PDZK1: variants seen among roughly 807,000 people sequenced by gnomAD.
PDZK1 encodes the protein Na(+)/H(+) exchange regulatory cofactor NHE-RF3.
A neutral mutation model predicts 38.1 loss-of-function variants in PDZK1; 23 were observed. The observed-to-expected ratio is 0.60, with a 90% CI of 0.43 to 0.85. PDZK1 has a LOEUF of 0.85. Among genes scored for constraint, PDZK1 ranks in the 40% least tolerant of loss-of-function variants. The probability of loss-of-function intolerance (pLI) is 0.00; values close to 1 mark genes in which losing one functional copy is unlikely to be tolerated. For missense variants in PDZK1, 297 were observed against 504.3 expected (o/e 0.59, Z 3.94); for synonymous variants, 98 against 186.2 (o/e 0.53, Z 3.86).
At chr1:145,674,364 G>A (rs1207069640) in intron 6 of PDZK1, 8 of 620,534 alleles carry the variant, frequency 1.3e-5, no homozygotes, top group African/African-American at 2.0e-5. Context: ...CAAGACACTT[G>A]TGATAGTTAA....
intron 6 of PDZK1, among the ~76,000 whole-genome samples, chr1:145,677,716 G>A (rs1226089799): frequency 2.0e-5 from 3 of 148,198 alleles, no homozygotes; most frequent in Non-Finnish European, 4.5e-5. Context: ...TAATCTATGA[G>A]GAGGGCCTAA....
intron 1 of PDZK1, 23 bp from the exon 2 acceptor site, chr1:145,688,046 A>G (rs1654948398): frequency 6.3e-7 from 1 of 1,581,748 alleles, no homozygotes; most frequent in Non-Finnish European, 8.7e-7. Context: ...AAATAAATTA[A>G]TAAAACCATG....
At chr1:145,689,269 G>A (rs1553702667) in intron 1 of PDZK1, among the ~76,000 whole-genome samples, 2 of 152,176 alleles carry the variant, frequency 1.3e-5, no homozygotes, top group African/African-American at 2.4e-5. Flanking sequence ...TTTAGAGACA[G>A]TGTCTTGCTT....
At chr1:145,706,387 C>T (rs1656249578) in intron 1 of PDZK1, among the ~76,000 whole-genome samples, 1 of 152,186 alleles carries the variant, frequency 6.6e-6, no homozygotes, top group Admixed American at 6.5e-5. Flanking sequence ...TAATTTGCTG[C>T]AGACTTCAGA....
intron 2 of PDZK1, among the ~76,000 whole-genome samples, chr1:145,686,967 G>T (rs1654828756): frequency 6.6e-6 from 1 of 152,040 alleles, no homozygotes; most frequent in South Asian, 2.1e-4. Context: ...AGCCCAGAGG[G>T]TTCTTACAAG....
intron 1 of PDZK1, among the ~76,000 whole-genome samples, chr1:145,697,602 T>G (rs1205166302): frequency 4.6e-5 from 7 of 151,558 alleles, no homozygotes; most frequent in Non-Finnish European, 8.8e-5. Context: ...CAACGAATAT[T>G]GATATTTTAT....
chr1:145,691,201 C>A (rs1449506223), intron 1 of PDZK1, among the ~76,000 whole-genome samples: 1 of 152,182 alleles, frequency 6.6e-6, no homozygotes, highest in African/African-American at 2.4e-5. Context: ...GAAAGCAGAC[C>A]TAAACCTCAA....
intron 1 of PDZK1, among the ~76,000 whole-genome samples, chr1:145,695,712 GAC>G (rs1162369334): frequency 1.3e-5 from 2 of 152,098 alleles, no homozygotes; most frequent in Admixed American, 6.5e-5. Flanking sequence ...TTCAAGCAAA[GAC>G]ACACTGCAGA....
At chr1:145,674,204 G>A (rs1653398811) in intron 6 of PDZK1, 1 of 985,222 alleles carries the variant, frequency 1.0e-6, no homozygotes, top group Non-Finnish European at 1.2e-6. Flanking sequence ...TAGTGAGCAA[G>A]TCACTGAACA....
chr1:145,702,762 G>A (rs987064521), intron 1 of PDZK1, among the ~76,000 whole-genome samples: 8 of 152,186 alleles, frequency 5.3e-5, no homozygotes, highest in Non-Finnish European at 8.8e-5. Flanking sequence ...GTGTGGTGGC[G>A]GACGCCTGTA....
intron 1 of PDZK1, among the ~76,000 whole-genome samples, chr1:145,692,297 T>C (rs990941200): frequency 4.6e-5 from 7 of 152,180 alleles, no homozygotes; most frequent in Admixed American, 6.5e-5. Flanking sequence ...AGGATTGATA[T>C]ATGAGATCCT....
intron 8 of PDZK1, 44 bp downstream of exon 8, chr1:145,672,686 A>G (rs1553698194): frequency 1.2e-6 from 2 of 1,609,626 alleles, no homozygotes; most frequent in Admixed American, 3.3e-5. Flanking sequence ...CTGTACCCAT[A>G]CTCTAGTAAA....
intron 3 of PDZK1, among the ~76,000 whole-genome samples, chr1:145,685,811 C>T (rs587698498): frequency 1.2e-4 from 19 of 152,282 alleles, no homozygotes; most frequent in African/African-American, 4.6e-4. Flanking sequence ...CTCTGAAATT[C>T]TAGAAATAGA....
rs587687654 is a variant in PDZK1 at position 145,701,745 on chromosome 1, C to CA, written c.-3+5571dup. On this transcript the variant is annotated intron_variant, in intron 1 of 8. Transcript: ENST00000417171. ...ATGCTGTTCCTTCCAACAGCATAAG[C>CA]AAAAAAATCCTGCTGTATCTGAGCT... is the stretch of plus-strand genomic sequence containing the variant. Among the ~76,000 whole-genome samples, 273 of 152,096 alleles carry CA rather than the reference C, an allele frequency of 1.8e-3. 3 individuals carry two copies. Among genetic ancestry groups the CA allele is most frequent in the Admixed American group, 0.012 (184 of 15,296 alleles).
chr1:145,693,824 G>A (rs1655459214), intron 1 of PDZK1, among the ~76,000 whole-genome samples: 1 of 151,658 alleles, frequency 6.6e-6, no homozygotes, highest in Non-Finnish European at 1.5e-5. Context: ...TCTCCCCTCA[G>A]CCTCAGGATA....
chr1:145,693,771 C>CAA (rs35999622), intron 1 of PDZK1, among the ~76,000 whole-genome samples: 4 of 139,744 alleles, frequency 2.9e-5, no homozygotes, highest in Non-Finnish European at 4.7e-5. Context: ...GAGACTCCAC[C>CAA]AAAAAAAAAA....
Position 145,687,847 on chromosome 1 carries a change from T to G in PDZK1, c.175A>C (p.Asn59His). The change falls in exon 2 of 9, where the codon AAT (asparagine) becomes CAT (histidine). Residue 59 changes from asparagine to histidine, a missense_variant. By Grantham distance (68) the Asn-to-His change is moderately conservative. This residue lies in a region of PDZK1 where 159 missense variants were observed against 200.0 expected (regional missense o/e 0.79). Coordinates refer to ENST00000417171, the MANE Select transcript of PDZK1 (RefSeq NM_001201325.2). Reference protein sequence around the residue: ...LQDGDRVLRINGVFVDKEEHM... With the variant: ...LQDGDRVLRIHGVFVDKEEHM... ...TCTTCTTTGTCCACAAAGACACCAT[T>G]GATCCTAAGAACTCTGTCTCCATCT... 6.2e-7 allele frequency: 1 copy of G among 1,614,080 alleles called. No homozygotes were observed. The highest frequency in any genetic ancestry group is 8.5e-7 in the Non-Finnish European group (1 of 1,179,962).
In PDZK1 at chr1:145,677,910, T is replaced by TAAA. The variant is rs71077285; in HGVS notation, c.990+536_990+538dup. 6.1e-3 allele frequency among the ~76,000 whole-genome samples: 421 copies of TAAA among 68,604 alleles called. 4 individuals carry two copies. Among genetic ancestry groups the TAAA allele is most frequent in the Non-Finnish European group, 9.1e-3 (340 of 37,560 alleles). The allele number at this position is 68,604 out of a possible 152,430, so 45.0% of individuals were successfully genotyped here. ...ACAACCTCAGTTCTTGTGTTAAAAG[T>TAAA]AAAAAAAAAAAAAAAAAAAAAAAAA... On this transcript the variant is annotated intron_variant, in intron 6 of 8. Transcript: ENST00000417171.
rs587593507 is a variant in PDZK1 at position 145,698,209 on chromosome 1, G to A, written c.-3+9108C>T. Among the ~76,000 whole-genome samples, 128 of 152,214 alleles carry A rather than the reference G, an allele frequency of 8.4e-4. 1 individual carries two copies. The highest frequency in any genetic ancestry group is 1.8e-3 in the Admixed American group (27 of 15,284). ...AACAGGTAAATCAGCGAAGGTGGCCGAGAGGGGACGGAGGAAAAGCTGCTG... is the reference window on the plus strand; with the variant it reads ...AACAGGTAAATCAGCGAAGGTGGCCAAGAGGGGACGGAGGAAAAGCTGCTG... On this transcript the variant is annotated intron_variant, in intron 1 of 8. Transcript: ENST00000417171.
Sources: gnomAD v4.1 joint callset for allele counts (sites outside exome capture counted in the v4.1 genomes callset) on GRCh38, gnomAD v4.1.1 for gene constraint, gnomAD v4.1.1 regional missense constraint, MANE v1.5 for transcripts, NCBI Gene and HGNC (gene_info 2026-07-23, HGNC 2026-07-21) for gene names.